CALN1: variants seen among roughly 807,000 people sequenced by gnomAD.
CALN1 encodes calneuron 1, also known as calcium-binding protein 8.
In CALN1, 17 loss-of-function variants were observed where a neutral mutation model predicts 30.6. That is an observed-to-expected ratio of 0.56 (90% CI 0.38 to 0.83). CALN1 has a LOEUF of 0.83. Among genes scored for constraint, CALN1 ranks in the 40% least tolerant of loss-of-function variants. The pLI is 0.00. For missense variants in CALN1, 291 were observed against 354.9 expected, an observed-to-expected ratio of 0.82 and a Z score of 1.45; for synonymous variants, 156 against 131.4, an observed-to-expected ratio of 1.19 and a Z score of -1.28.
chr7:71,902,440 G>A (rs1793912160), intron 5 of CALN1, among the ~76,000 whole-genome samples: 1 of 152,158 alleles, frequency 6.6e-6, no homozygotes, highest in African/African-American at 2.4e-5. Context: ...TGGAGAGGAT[G>A]TGAAGAAAAG....
At chr7:72,270,894 C>A (rs1030698334) in intron 3 of CALN1, among the ~76,000 whole-genome samples, 18 of 152,112 alleles carry the variant, frequency 1.2e-4, no homozygotes, top group Admixed American at 2.0e-4. Context: ...TAGATGAAAC[C>A]CAATAAGATC....
chr7:72,002,979 T>C (rs1398074060), intron 5 of CALN1, among the ~76,000 whole-genome samples: 1 of 152,162 alleles, frequency 6.6e-6, no homozygotes, highest in Non-Finnish European at 1.5e-5. Flanking sequence ...ATCTATTATA[T>C]AATATGGTGG....
At chr7:71,995,482 G>C (rs917303033) in intron 5 of CALN1, among the ~76,000 whole-genome samples, 3 of 152,120 alleles carry the variant, frequency 2.0e-5, no homozygotes, top group African/African-American at 7.2e-5. Flanking sequence ...TCTAGCTCCT[G>C]TATCAAAATT....
intron 4 of CALN1, chr7:72,103,091 AAAAAAAG>A (rs1806807263): frequency 1.4e-5 from 2 of 144,304 alleles, no homozygotes; most frequent in African/African-American, 5.1e-5. Context: ...AAAAAAAAAA[AAAAAAAG>A]GAAGTGCAAG....
chr7:72,148,659 C>T (rs1449890773), intron 3 of CALN1, among the ~76,000 whole-genome samples: 1 of 152,026 alleles, frequency 6.6e-6, no homozygotes, highest in Non-Finnish European at 1.5e-5. Context: ...AATCCCAGCA[C>T]TTTGGGAGGC....
intron 3 of CALN1, among the ~76,000 whole-genome samples, chr7:72,197,129 T>C (rs1404324195): frequency 6.6e-6 from 1 of 151,546 alleles, no homozygotes; most frequent in African/African-American, 2.4e-5. Context: ...TTTGTTTTCC[T>C]ATATTTAATT....
intron 5 of CALN1, among the ~76,000 whole-genome samples, chr7:71,900,136 C>T (rs955864197): frequency 6.6e-6 from 1 of 152,026 alleles, no homozygotes; most frequent in Non-Finnish European, 1.5e-5. Context: ...ATAATTGTGA[C>T]AGACAAATTT....
chr7:72,337,984 G>A (rs1192819812), intron 2 of CALN1, among the ~76,000 whole-genome samples: 2 of 152,186 alleles, frequency 1.3e-5, no homozygotes, highest in African/African-American at 4.8e-5. Context: ...CAAGGGCAAC[G>A]CATGTGCTTG....
chr7:71,969,425 G>C (rs182685536), intron 5 of CALN1, among the ~76,000 whole-genome samples: 173 of 152,194 alleles, frequency 1.1e-3, no homozygotes, highest in Middle Eastern at 6.8e-3. Flanking sequence ...CAGAGACTAA[G>C]TATTTTTTTA....
At chr7:72,174,723 A>C (rs1207721086) in intron 3 of CALN1, among the ~76,000 whole-genome samples, 1 of 152,238 alleles carries the variant, frequency 6.6e-6, no homozygotes, top group Non-Finnish European at 1.5e-5. Context: ...GATAGAATGC[A>C]GATCAGTTTG....
intron 4 of CALN1, among the ~76,000 whole-genome samples, chr7:72,070,009 C>A (rs1563029493): frequency 6.6e-6 from 1 of 152,150 alleles, no homozygotes; most frequent in Non-Finnish European, 1.5e-5. Context: ...CTCTATGGGG[C>A]ACAGAAGAGA....
intron 2 of CALN1, among the ~76,000 whole-genome samples, chr7:72,366,891 T>C (rs1253422892): frequency 1.3e-5 from 2 of 151,450 alleles, no homozygotes; most frequent in Non-Finnish European, 2.9e-5. Context: ...AGCAGCACTA[T>C]CGAGAATAGC....
rs562735710 is a variant in CALN1, at chr7:72,332,385, C to T, written c.120-53575G>A. Among the ~76,000 whole-genome samples the T allele has an allele frequency of 1.5e-4, 23 of 151,930 alleles. No homozygotes were observed. In the East Asian group the frequency reaches 2.3e-3, roughly 15 times the overall value. On this transcript the variant is annotated intron_variant, in intron 2 of 6. Coordinates refer to ENST00000395275, the MANE Select transcript of CALN1 (RefSeq NM_031468.4). ...GCCATGGAAAGGGGTGATAACGTCT[C>T]GGTGTTGCCATGGCAACAGTAAACT...
At chr7:72,192,720 G>A (rs1417736919) in intron 3 of CALN1, among the ~76,000 whole-genome samples, 3 of 150,616 alleles carry the variant, frequency 2.0e-5, no homozygotes, top group Non-Finnish European at 3.0e-5. Flanking sequence ...GGTTACATAT[G>A]TATACATGTG....
rs973487288 is a variant in CALN1, at chr7:71,784,433, T to TC, written c.*3341_*3342insG. ...AGGGTTGCCATGGTAATATCCCTCT[T>TC]TTTTTTTTGTCAGATCAGTCACGTG... On this transcript the variant is annotated 3_prime_UTR_variant, in exon 7 of 7. Transcript: ENST00000395275. The TC allele has an allele frequency of 5.8e-6, 1 of 172,128 alleles. No individual in the cohort carries two copies. The highest frequency in any genetic ancestry group is 2.4e-5 in the African/African-American group (1 of 41,902). 10.7% of individuals were successfully genotyped at this position (172,128 alleles called of 1,614,324 possible).
chr7:71,945,558 T>C (rs1391641866), intron 5 of CALN1, among the ~76,000 whole-genome samples: 1 of 152,202 alleles, frequency 6.6e-6, no homozygotes, highest in Non-Finnish European at 1.5e-5. Context: ...GCCTGAACTC[T>C]ACCTCCTGTC....
chr7:71,812,715 A>G (rs947533524), intron 5 of CALN1, among the ~76,000 whole-genome samples: 1 of 151,790 alleles, frequency 6.6e-6, no homozygotes, highest in Non-Finnish European at 1.5e-5. Context: ...CTTCCTATCC[A>G]CACATTTCTC....
At chr7:72,473,672 C>A in the CALN1 span, among the ~76,000 whole-genome samples, 2 of 152,062 alleles carry the variant, frequency 1.3e-5, no homozygotes, top group African/African-American at 4.8e-5. Context: ...GTGGCTCATG[C>A]CTGTAATCCC....
intron 5 of CALN1, among the ~76,000 whole-genome samples, chr7:71,830,980 A>G (rs1789240625): frequency 6.6e-6 from 1 of 152,126 alleles, no homozygotes; most frequent in Admixed American, 6.6e-5. Context: ...TGTCACTTTT[A>G]TTGGCAGCTG....
Sources: gnomAD v4.1 joint callset for allele counts (sites outside exome capture counted in the v4.1 genomes callset) on GRCh38, gnomAD v4.1.1 for gene constraint, MANE v1.5 for transcripts, NCBI Gene and HGNC (gene_info 2026-07-23, HGNC 2026-07-21) for gene names.